ETV4: variants seen among roughly 807,000 people sequenced by gnomAD.
ETV4 encodes the protein ETS variant transcription factor 4.
ETV4 carries 42 observed loss-of-function variants against 65.9 expected under a neutral mutation model. That is an observed-to-expected ratio of 0.64 (90% CI 0.50 to 0.82). The LOEUF (loss-of-function observed/expected upper bound fraction) is 0.82. Among genes scored for constraint, ETV4 ranks in the 40% least tolerant of loss-of-function variants. ETV4 has a pLI of 0.00. For synonymous variants in ETV4, 238 were observed against 260.0 expected, an observed-to-expected ratio of 0.92 and a Z score of 0.81; for missense variants, 583 against 630.3, an observed-to-expected ratio of 0.92 and a Z score of 0.80.
chr17:43,534,661 C>T (rs889039603), intron 5 of ETV4, among the ~76,000 whole-genome samples: 6 of 151,588 alleles, frequency 4.0e-5, no homozygotes, highest in East Asian at 2.0e-4. Context: ...CTTTCTTGGC[C>T]GGGCGCGGTG....
chr17:43,540,964 G>C (rs1013237798), intron 4 of ETV4, among the ~76,000 whole-genome samples: 1 of 152,140 alleles, frequency 6.6e-6, no homozygotes, highest in Non-Finnish European at 1.5e-5. Flanking sequence ...TGGGCTGGGG[G>C]TATCTCTTGC....
chr17:43,545,941 G>A lies in ETV4; in HGVS notation c.-52+244C>T, dbSNP rs1235830687. The stretch of plus-strand genomic sequence containing the variant: ...GGCTCGGTTACATAAGAACGTGTGT[G>A]TGTGTGTGTGTGTGTGTGTGTGTGT... On this transcript the variant is annotated intron_variant, in intron 1 of 12. Coordinates refer to ENST00000319349, the MANE Select transcript of ETV4 (RefSeq NM_001079675.5). 57 of 260,980 alleles carry A rather than the reference G, an allele frequency of 2.2e-4. No homozygotes were observed. The East Asian group carries it at 3.6e-3, about 16-fold the overall frequency. 16.2% of individuals were successfully genotyped at this position (260,980 alleles called of 1,614,324 possible).
intron 2 of ETV4, 66 bp from the exon 3 acceptor site, chr17:43,545,433 G>A (rs1971761704): frequency 2.7e-6 from 4 of 1,466,688 alleles, no homozygotes; most frequent in Non-Finnish European, 3.7e-6. Context: ...ACGAGGTTGG[G>A]GTCCTCGGGT....
chr17:43,546,004 G>A (rs1215743109), intron 1 of ETV4, 181 bp downstream of exon 1: 2 of 249,310 alleles, frequency 8.0e-6, no homozygotes, highest in Non-Finnish European at 1.5e-5. Flanking sequence ...CGGAGGAGCA[G>A]GCGAAGCGCA....
At position 43,545,299 on chromosome 17, in the gene ETV4, G is replaced by T. The variant is rs1231857001; in HGVS notation, c.129C>A (p.Gly43=). The change falls in exon 3 of 13, where the codon GGC becomes GGA. Residue 43 remains glycine (G), a synonymous_variant. Coordinates refer to ENST00000319349, the MANE Select transcript of ETV4 (RefSeq NM_001079675.5). ...CTTCAGAGTCGAGGGGCGGCAGGGA[G>T]CCCGGGTCCATGAGCTTCCCCAGCG... ...IGPLGKLMDP[G]SLPPLDSEDL... is the part of the protein sequence containing the mutation. The T allele has an allele frequency of 6.2e-7, 1 of 1,609,582 alleles. No individual in the cohort carries two copies. Among genetic ancestry groups the T allele is most frequent in the South Asian group, 1.1e-5 (1 of 90,560 alleles).
intron 5 of ETV4, 42 bp downstream of exon 5, chr17:43,536,384 T>C: frequency 6.4e-7 from 1 of 1,564,206 alleles, no homozygotes; most frequent in Non-Finnish European, 8.8e-7. Flanking sequence ...CTTCCTGCCA[T>C]CCTCCACTCC....
In ETV4 at chr17:43,545,647, G is replaced by T; in HGVS notation, c.-30C>A. ...CCGCTCCCTCCGGCCGCACGGCCGG[G>T]GCCCCAAGCGGGGGCCGAGACCTGG... On this transcript the variant is annotated 5_prime_UTR_variant, in exon 2 of 13. Transcript: ENST00000319349. 6.5e-7 allele frequency: 1 copy of T among 1,548,778 alleles called. No homozygotes were observed. The highest frequency in any genetic ancestry group is 2.4e-5 in the East Asian group (1 of 40,880).
At chr17:43,545,251 G>T in intron 3 of ETV4, 23 bp downstream of exon 3, 5 of 1,414,488 alleles carry the variant, frequency 3.5e-6, no homozygotes, top group Non-Finnish European at 4.9e-6. Flanking sequence ...GGAGGGTCGC[G>T]GTTTGTCTCT....
Position 43,532,772 on chromosome 17 carries a change from C to A in ETV4, c.713G>T (p.Gly238Val). 1 of 1,614,026 alleles carries A rather than the reference C, an allele frequency of 6.2e-7. No homozygotes were observed. The highest frequency in any genetic ancestry group is 8.5e-7 in the Non-Finnish European group (1 of 1,180,000). Residue 238 changes from glycine to valine, a missense_variant, in exon 8 of 13, where the codon GGC (glycine) becomes GTC (valine). Gly to Val is a moderately radical substitution (Grantham distance 109, BLOSUM62 -3). Coordinates refer to ENST00000319349, the MANE Select transcript of ETV4 (RefSeq NM_001079675.5). ...EYHDPLYEQA[G>V]QPAVDQGGVN... is the part of the protein sequence containing the mutation. ...CCCACCCTGGTCCACGGCTGGCTGG[C>A]CCGCCTGTTCATACAGGGGATCATG...
chr17:43,533,445 G>A, intron 6 of ETV4, 97 bp from the exon 7 acceptor site: 1 of 1,177,412 alleles, frequency 8.5e-7, no homozygotes. Context: ...AGGGATTACA[G>A]GAGAAGGAAG....
intron 4 of ETV4, among the ~76,000 whole-genome samples, chr17:43,537,211 C>A (rs1971288326): frequency 6.6e-6 from 1 of 151,052 alleles, no homozygotes; most frequent in Non-Finnish European, 1.5e-5. Flanking sequence ...ACTAAAAGTA[C>A]AAAACTTAGC....
chr17:43,536,403 T>C, intron 5 of ETV4, 23 bp downstream of exon 5: 1 of 1,610,176 alleles, frequency 6.2e-7, no homozygotes, highest in Non-Finnish European at 8.5e-7. Context: ...CCCTATACCC[T>C]CTCCCCAGGG....
At chr17:43,534,242 C>T (rs775270093) in intron 5 of ETV4, among the ~76,000 whole-genome samples, 3 of 152,138 alleles carry the variant, frequency 2.0e-5, no homozygotes, top group Admixed American at 6.5e-5. Context: ...AGGCTGGGCA[C>T]GGTAGCTCAC....
chr17:43,537,705 A>G (rs1482121529), intron 4 of ETV4, among the ~76,000 whole-genome samples: 2 of 150,968 alleles, frequency 1.3e-5, no homozygotes, highest in African/African-American at 2.4e-5. Context: ...CAAAAAATGA[A>G]AAATAAAGGC....
In ETV4 at chr17:43,529,616, C is replaced by T; in HGVS notation, c.1016G>A (p.Gly339Asp). 1.2e-6 allele frequency: 2 copies of T among 1,614,110 alleles called. No homozygotes were observed. Among genetic ancestry groups the T allele is most frequent in the Non-Finnish European group, 1.7e-6 (2 of 1,180,014 alleles). ...FREGPPYQRR[G>D]ALQLWQFLVA... is the part of the protein sequence containing the mutation. ...CAGAAATTGCCACAGCTGCAGGGCA[C>T]CCCGGCGCTGGTAGGGCGGCCCCTC... Residue 339 changes from glycine (G) to aspartate (D), a missense_variant, in exon 11 of 13, where the codon GGT becomes GAT. Coordinates refer to ENST00000319349, the MANE Select transcript of ETV4 (RefSeq NM_001079675.5).
chr17:43,545,572 A>G lies in ETV4; in HGVS notation c.46T>C (p.Tyr16His). The change falls in exon 2 of 13, where the codon TAC (tyrosine) becomes CAC (histidine). Residue 16 changes from tyrosine to histidine, a missense_variant. Coordinates refer to ENST00000319349, the MANE Select transcript of ETV4 (RefSeq NM_001079675.5). ...KAGYLDQQVPYTFSSKSPGNG... is the reference protein window; with the variant it reads ...KAGYLDQQVPHTFSSKSPGNG... ...GCGGCGCTCACGCTGCTGAAGGTGT[A>G]GGGCACTTGCTGGTCCAAGTATCCG... 9 of 1,550,180 alleles carry G rather than the reference A, an allele frequency of 5.8e-6. No individual in the cohort carries two copies. Among genetic ancestry groups the G allele is most frequent in the South Asian group, 2.4e-5 (2 of 84,014 alleles).
In ETV4 at chr17:43,529,651, A is replaced by G. The variant is rs569810210; in HGVS notation, c.981T>C (p.Gly327=). The G allele has an allele frequency of 1.9e-6, 3 of 1,613,298 alleles. No individual in the cohort carries two copies. Among genetic ancestry groups the G allele is most frequent in the South Asian group, 1.1e-5 (1 of 91,016 alleles). The part of the protein sequence containing the change: ...FEGDIKQEGV[G]AFREGPPYQR... Reference sequence around the variant, plus strand: ...GGTAGGGCGGCCCCTCTCGAAATGCACCGACCCCTTCCTGCTTGATGTCTC... The same window carrying G: ...GGTAGGGCGGCCCCTCTCGAAATGCGCCGACCCCTTCCTGCTTGATGTCTC... The change falls in exon 11 of 13, where the codon GGT becomes GGC. Residue 327 remains glycine (G), a synonymous_variant. Coordinates refer to ENST00000319349, the MANE Select transcript of ETV4 (RefSeq NM_001079675.5).
In ETV4 at chr17:43,543,296, T is replaced by A. The variant is rs77211181; in HGVS notation, c.202+1679A>T. 7.5e-3 allele frequency among the ~76,000 whole-genome samples: 1,077 copies of A among 143,444 alleles called. 16 individuals carry two copies. In the East Asian group the frequency reaches 0.08, roughly 11 times the overall value. The allele number at this position is 143,444 out of a possible 152,430, so 94.1% of individuals were successfully genotyped here. ...CACACACTCTCTCTCTCTCTCTCTC[T>A]CACACACACACTTGCTGTCACACCG... On this transcript the variant is annotated intron_variant, in intron 4 of 12. Coordinates refer to ENST00000319349, the MANE Select transcript of ETV4 (RefSeq NM_001079675.5).
At chr17:43,529,002 T>C (rs1970737844) in intron 12 of ETV4, 133 bp downstream of exon 12, 15 of 922,372 alleles carry the variant, frequency 1.6e-5, no homozygotes, top group Non-Finnish European at 1.9e-5. Flanking sequence ...TTCTCCACAA[T>C]TTCTTGTCTC....
Sources: allele counts gnomAD v4.1 joint callset (sites outside exome capture counted in the v4.1 genomes callset), GRCh38; gene constraint gnomAD v4.1.1; transcripts MANE v1.5; gene names NCBI Gene and HGNC (gene_info 2026-07-23, HGNC 2026-07-21).